SMYD3: variants seen among roughly 807,000 people sequenced by gnomAD.
The protein encoded by SMYD3 is histone-lysine N-methyltransferase SMYD3.
In SMYD3, 36 loss-of-function variants were observed where a neutral mutation model predicts 57.7. The observed-to-expected ratio is 0.62, with a 90% CI of 0.48 to 0.82. The LOEUF is 0.82. Ranked by LOEUF, SMYD3 falls within the 40% of genes least tolerant of loss-of-function variation. The pLI, the probability that SMYD3 is intolerant of heterozygous loss-of-function variation, is 0.00. For missense variants in SMYD3, 515 were observed against 538.8 expected (o/e 0.96, Z 0.44); for synonymous variants, 211 against 195.0 (o/e 1.08, Z -0.68).
chr1:246,339,592 A>G (rs566225933), intron 2 of SMYD3, among the ~76,000 whole-genome samples: 1 of 152,314 alleles, frequency 6.6e-6, no homozygotes, highest in South Asian at 2.1e-4. Context: ...TTTTAAACAC[A>G]TAGCCTAACA....
chr1:246,075,430 C>G lies in SMYD3; in HGVS notation c.532-145493G>C, dbSNP rs996891558. Among the ~76,000 whole-genome samples the G allele has an allele frequency of 3.3e-5, 5 of 152,026 alleles. No individual in the cohort carries two copies. The East Asian group carries it at 9.6e-4, about 29-fold the overall frequency. The stretch of plus-strand genomic sequence containing the variant: ...CCACTAAGTTTGTGGTACTTTCTTA[C>G]AACAGCAATAAGAAACAGAAATGTG... On this transcript the variant is annotated intron_variant, in intron 5 of 11. Transcript: ENST00000490107.
chr1:245,876,445 C>T (rs1418734973), intron 8 of SMYD3, among the ~76,000 whole-genome samples: 1 of 152,356 alleles, frequency 6.6e-6, no homozygotes, highest in Non-Finnish European at 1.5e-5. Context: ...GCCGCCTCAG[C>T]CATTGCTCCG....
intron 5 of SMYD3, among the ~76,000 whole-genome samples, chr1:245,978,218 G>C (rs2058499322): frequency 6.6e-6 from 1 of 152,152 alleles, no homozygotes. Flanking sequence ...TATTTATGCT[G>C]GGAGGCATCT....
chr1:246,329,697 C>T (rs759838999), intron 4 of SMYD3, among the ~76,000 whole-genome samples: 5 of 152,032 alleles, frequency 3.3e-5, no homozygotes, highest in Admixed American at 6.6e-5. Context: ...TTAGTTTAAT[C>T]AGATCCCATT....
intron 1 of SMYD3, among the ~76,000 whole-genome samples, chr1:246,442,260 C>A (rs2067481323): frequency 6.6e-6 from 1 of 152,140 alleles, no homozygotes; most frequent in South Asian, 2.1e-4. Context: ...AAAGTCTTCA[C>A]TAAAAGACTA....
intron 5 of SMYD3, among the ~76,000 whole-genome samples, chr1:246,166,758 C>T (rs989281074): frequency 6.6e-6 from 1 of 152,088 alleles, no homozygotes; most frequent in African/African-American, 2.4e-5. Context: ...AGCTAGGGGC[C>T]GCGGGATAAC....
At chr1:245,929,848 C>T in intron 6 of SMYD3, 22 bp downstream of exon 6, 4 of 1,588,154 alleles carry the variant, frequency 2.5e-6, no homozygotes, top group South Asian at 1.1e-5. Context: ...TCTTCCAGTA[C>T]ATGAAGTACC....
chr1:246,159,115 A>C (rs1012693555), intron 5 of SMYD3, among the ~76,000 whole-genome samples: 1 of 152,182 alleles, frequency 6.6e-6, no homozygotes, highest in African/African-American at 2.4e-5. Context: ...GAAGAATGAG[A>C]GCGCCAACCA....
chr1:246,201,891 T>C (rs1469300472), intron 5 of SMYD3, among the ~76,000 whole-genome samples: 3 of 151,950 alleles, frequency 2.0e-5, no homozygotes, highest in African/African-American at 7.3e-5. Flanking sequence ...CTCATGCCTA[T>C]AATCCCAGCT....
chr1:246,412,135 A>G (rs1195216792), intron 1 of SMYD3, among the ~76,000 whole-genome samples: 2 of 152,190 alleles, frequency 1.3e-5, no homozygotes, highest in African/African-American at 4.8e-5. Context: ...TGTTACTACC[A>G]AATCATCTCA....
chr1:245,851,156 G>A (rs1453103341), intron 10 of SMYD3, among the ~76,000 whole-genome samples: 1 of 152,170 alleles, frequency 6.6e-6, no homozygotes, highest in Admixed American at 6.5e-5. Flanking sequence ...GGCCAGGCCG[G>A]ATTTGGTCCA....
At chr1:245,839,387 T>C (rs1395064231) in intron 10 of SMYD3, among the ~76,000 whole-genome samples, 1 of 151,882 alleles carries the variant, frequency 6.6e-6, no homozygotes, top group Non-Finnish European at 1.5e-5. Flanking sequence ...GCCAGGATGG[T>C]CTCGATCTCC....
intron 5 of SMYD3, among the ~76,000 whole-genome samples, chr1:246,015,078 T>TA (rs1365943535): frequency 6.6e-6 from 1 of 152,230 alleles, no homozygotes; most frequent in South Asian, 2.1e-4. Context: ...CTGAATTCCC[T>TA]AAAAATCAGT....
intron 1 of SMYD3, among the ~76,000 whole-genome samples, chr1:246,423,425 G>A (rs1440649396): frequency 6.6e-6 from 1 of 152,164 alleles, no homozygotes; most frequent in Non-Finnish European, 1.5e-5. Flanking sequence ...CATGAACCAG[G>A]AGCAGTGGCT....
chr1:245,768,120 T>C (rs1001557451), intron 10 of SMYD3, among the ~76,000 whole-genome samples: 1 of 152,076 alleles, frequency 6.6e-6, no homozygotes, highest in African/African-American at 2.4e-5. Flanking sequence ...AACAACAAAA[T>C]CATTCAACAA....
chr1:246,418,306 C>T (rs1459007177), intron 1 of SMYD3, among the ~76,000 whole-genome samples: 1 of 152,190 alleles, frequency 6.6e-6, no homozygotes, highest in Non-Finnish European at 1.5e-5. Flanking sequence ...TAAAGGTTCC[C>T]TTGTCCCCCT....
intron 10 of SMYD3, among the ~76,000 whole-genome samples, chr1:245,823,054 T>C (rs2049265931): frequency 6.6e-6 from 1 of 152,204 alleles, no homozygotes; most frequent in Admixed American, 6.5e-5. Flanking sequence ...ATTCTTTTTC[T>C]GCCTCCCACA....
intron 5 of SMYD3, among the ~76,000 whole-genome samples, chr1:246,134,769 G>A (rs2061641581): frequency 6.6e-6 from 1 of 150,810 alleles, no homozygotes; most frequent in Non-Finnish European, 1.5e-5. Context: ...ACACCTATAT[G>A]CAACTGAAAT....
At chr1:246,401,186 C>A (rs1179050130) in intron 1 of SMYD3, among the ~76,000 whole-genome samples, 1 of 152,060 alleles carries the variant, frequency 6.6e-6, no homozygotes, top group African/African-American at 2.4e-5. Context: ...TGGAAAAAAG[C>A]TGATGATATT....
Sources: allele counts gnomAD v4.1 joint callset (sites outside exome capture counted in the v4.1 genomes callset), GRCh38; gene constraint gnomAD v4.1.1; transcripts MANE v1.5; gene names NCBI Gene and HGNC (gene_info 2026-07-23, HGNC 2026-07-21).